CATSPERD: variants seen among roughly 807,000 people sequenced by gnomAD.
CATSPERD encodes the protein catsper channel auxiliary subunit delta, also known as cation channel sperm-associated auxiliary subunit delta.
CATSPERD carries 86 observed loss-of-function variants against 98.1 expected under a neutral mutation model. The ratio of observed to expected loss-of-function variants is 0.88; its 90% confidence interval spans 0.74 to 1.05. The LOEUF (loss-of-function observed/expected upper bound fraction) is 1.05. Among genes scored for constraint, CATSPERD ranks in the 50% least tolerant of loss-of-function variants. The pLI is 0.00. For synonymous variants in CATSPERD, 394 were observed against 390.2 expected (o/e 1.01, Z -0.12); for missense variants, 995 against 1,005.7 (o/e 0.99, Z 0.14).
At chr19:5,778,354 TC>T in intron 21 of CATSPERD, 21 bp from the exon 22 acceptor site, 1 of 1,581,204 alleles carries the variant, frequency 6.3e-7, no homozygotes, top group Non-Finnish European at 8.6e-7. Context: ...CAACAGCCTC[TC>T]CCCGCCTCCC....
intron 18 of CATSPERD, 70 bp downstream of exon 18, chr19:5,768,312 A>G (rs1283637937): frequency 1.9e-5 from 21 of 1,108,604 alleles, no homozygotes; most frequent in Non-Finnish European, 2.7e-5. Context: ...CCAAGAGCAA[A>G]TTAGGAATTT....
Position 5,771,034 on chromosome 19 carries a change from C to T in CATSPERD, c.1725C>T (p.Leu575=), listed in dbSNP as rs755583514. The T allele has an allele frequency of 4.5e-5, 72 of 1,613,976 alleles. No homozygotes were observed. The East Asian group carries it at 1.0e-3, about 22-fold the overall frequency. Residue 575 remains leucine, a synonymous_variant, in exon 19 of 22, where the codon CTC becomes CTT. Coordinates refer to ENST00000381624, the MANE Select transcript of CATSPERD (RefSeq NM_152784.4). ...YSYQQLGCPL[L]VYYDTLWKPV... is the part of the protein sequence containing the mutation. The stretch of plus-strand genomic sequence containing the variant: ...ACCAGCAGCTGGGCTGTCCTCTCCT[C>T]GTCTACTATGACACCCTATGGAAGC...
intron 20 of CATSPERD, among the ~76,000 whole-genome samples, chr19:5,774,069 G>A (rs2056697941): frequency 6.8e-6 from 1 of 146,930 alleles, no homozygotes; most frequent in African/African-American, 2.5e-5. Flanking sequence ...CCGAGTTCAA[G>A]CAATTCTCCC....
chr19:5,731,542 T>G (rs892358127), intron 4 of CATSPERD, among the ~76,000 whole-genome samples: 3 of 139,362 alleles, frequency 2.2e-5, no homozygotes, highest in African/African-American at 7.8e-5. Flanking sequence ...ATATTTCTCC[T>G]AAAAGCGACA....
intron 10 of CATSPERD, 87 bp downstream of exon 10, chr19:5,748,342 C>T (rs563097211): frequency 4.8e-4 from 616 of 1,270,690 alleles, no homozygotes; most frequent in Non-Finnish European, 6.2e-4. Flanking sequence ...AGCCAAAACA[C>T]GAAATCAGCT....
chr19:5,759,213 A>G (rs2056387195), intron 15 of CATSPERD, 69 bp downstream of exon 15: 5 of 1,409,080 alleles, frequency 3.5e-6, no homozygotes, highest in Non-Finnish European at 5.0e-6. Context: ...GAGCGAAGAG[A>G]AGCAGGTCTG....
chr19:5,756,051 C>A (rs536118992), intron 13 of CATSPERD, among the ~76,000 whole-genome samples: 1 of 151,832 alleles, frequency 6.6e-6, no homozygotes, highest in Admixed American at 6.6e-5. Context: ...GAGGCCAAGG[C>A]GGGCAGATTG....
intron 11 of CATSPERD, among the ~76,000 whole-genome samples, chr19:5,749,917 C>T (rs893449885): frequency 1.3e-5 from 2 of 150,866 alleles, no homozygotes; most frequent in Non-Finnish European, 2.9e-5. Context: ...AATTCTCCTG[C>T]CTCAGCCTCC....
intron 18 of CATSPERD, among the ~76,000 whole-genome samples, chr19:5,769,162 A>AAAG (rs1555726986): frequency 3.3e-5 from 5 of 149,572 alleles, no homozygotes; most frequent in Non-Finnish European, 4.5e-5. Context: ...TCAAAAAAAA[A>AAAG]AGAGAGAGAG....
Position 5,725,212 on chromosome 19 carries a change from C to T in CATSPERD, c.126+350C>T, listed in dbSNP as rs1241746279. 3.3e-5 allele frequency among the ~76,000 whole-genome samples: 5 copies of T among 152,086 alleles called. No individual in the cohort carries two copies. In the South Asian group the frequency reaches 6.2e-4, roughly 19 times the overall value. On this transcript the variant is annotated intron_variant, in intron 2 of 21. Transcript: ENST00000381624. ...TGTTGCCCAGGTTGGAGTGCAGTGG[C>T]GCAATCTCGGCTCACCGCAACCTCT...
In CATSPERD at chr19:5,739,309, CTTT is replaced by C; in HGVS notation, c.460-7_460-5del. 9.3e-6 allele frequency: 10 copies of C among 1,074,284 alleles called. No individual in the cohort carries two copies. The highest frequency in any genetic ancestry group is 9.4e-6 in the Non-Finnish European group (7 of 745,548). The allele number at this position is 1,074,284 out of a possible 1,614,324, so 66.5% of individuals were successfully genotyped here. A position where few individuals can be genotyped will look rare whatever the true frequency, so the allele number is the denominator to read the frequency against. ...GGCATCTTTCTTTCATTCTTTCTTT[CTTT>C]TTTTTTTTTATAGCATGTCAGTAAT... On this transcript the variant is annotated splice_polypyrimidine_tract_variant and intron_variant, in intron 6 of 21. Transcript: ENST00000381624.
At position 5,778,558 on chromosome 19, in the gene CATSPERD, C is replaced by CA; in HGVS notation, c.2280dup (p.Gln761ThrfsTer4). On this transcript the variant is annotated frameshift_variant, in exon 22 of 22. Transcript: ENST00000381624. LOFTEE classifies it low-confidence loss of function (END_TRUNC). ...GGCCGCAGGATCAAGAAGTGTGCGA[C>CA]ACAGCTGTGTAGGAGATGCAAGACG... 6.2e-7 allele frequency: 1 copy of CA among 1,613,916 alleles called. No individual in the cohort carries two copies. Among genetic ancestry groups the CA allele is most frequent in the Non-Finnish European group, 8.5e-7 (1 of 1,180,030 alleles).
intron 15 of CATSPERD, among the ~76,000 whole-genome samples, chr19:5,761,974 G>T (rs1171481202): frequency 1.4e-5 from 2 of 144,566 alleles, no homozygotes; most frequent in African/African-American, 5.0e-5. Flanking sequence ...CTGATCTCAG[G>T]TGATGTGCCC....
rs748432182 is a variant in CATSPERD, at chr19:5,737,162, T to C, written c.416T>C (p.Val139Ala). Reference protein sequence around the residue: ...SLGIKHPVTHVSGDNCCYTGS... With the variant: ...SLGIKHPVTHASGDNCCYTGS... ...GGTATAAAACACCCTGTTACACATGTCTCTGGTGATAATTGTTGTTATACT... is the reference window on the plus strand; with the variant it reads ...GGTATAAAACACCCTGTTACACATGCCTCTGGTGATAATTGTTGTTATACT... The change falls in exon 6 of 22, where the codon GTC becomes GCC. Residue 139 changes from valine (V) to alanine (A), a missense_variant. By Grantham distance (64) the Val-to-Ala change is moderately conservative. Coordinates refer to ENST00000381624, the MANE Select transcript of CATSPERD (RefSeq NM_152784.4). 11 of 1,608,594 alleles carry C rather than the reference T, an allele frequency of 6.8e-6. No individual in the cohort carries two copies. Among genetic ancestry groups the C allele is most frequent in the Non-Finnish European group, 9.4e-6 (11 of 1,175,050 alleles).
chr19:5,751,516 A>C (rs2056218678), intron 11 of CATSPERD, 131 bp from the exon 12 acceptor site: 1 of 625,018 alleles, frequency 1.6e-6, no homozygotes, highest in African/African-American at 2.3e-5. Context: ...CCTGGGAGAC[A>C]GAGTGAGACT....
Position 5,737,174 on chromosome 19 carries a change from A to G in CATSPERD, c.428A>G (p.Asn143Ser). 1 of 1,609,490 alleles carries G rather than the reference A, an allele frequency of 6.2e-7. No homozygotes were observed. The highest frequency in any genetic ancestry group is 8.5e-7 in the Non-Finnish European group (1 of 1,175,920). ...CCTGTTACACATGTCTCTGGTGATA[A>G]TTGTTGTTATACTGGAAGTTTGTTT... ...KHPVTHVSGD[N>S]CCYTGSLFCV... Residue 143 changes from asparagine to serine, a missense_variant, in exon 6 of 22, where the codon AAT becomes AGT. By Grantham distance (46) the Asn-to-Ser change is conservative (BLOSUM62 1). Around this residue, in one of 3 missense-constraint regions of CATSPERD, gnomAD observed 228 missense variants for 209.6 expected, o/e 1.09. Coordinates refer to ENST00000381624, the MANE Select transcript of CATSPERD (RefSeq NM_152784.4).
chr19:5,758,880 T>G (rs1193970906), intron 14 of CATSPERD, among the ~76,000 whole-genome samples: 1 of 138,414 alleles, frequency 7.2e-6, no homozygotes, highest in East Asian at 2.1e-4. Context: ...GCCAAGATCG[T>G]GCTAATGCAC....
intron 7 of CATSPERD, among the ~76,000 whole-genome samples, chr19:5,742,108 C>T (rs1166273360): frequency 6.6e-6 from 1 of 151,794 alleles, no homozygotes. Flanking sequence ...CCAATTATTA[C>T]TAAAATAGCG....
intron 5 of CATSPERD, among the ~76,000 whole-genome samples, chr19:5,734,552 C>T (rs1213216574): frequency 1.3e-5 from 2 of 151,838 alleles, no homozygotes; most frequent in Admixed American, 1.3e-4. Context: ...GCAGGAGAAT[C>T]GCTTGAACCT....
Sources: allele counts gnomAD v4.1 joint callset (sites outside exome capture counted in the v4.1 genomes callset), GRCh38; gene constraint gnomAD v4.1.1; regional missense constraint gnomAD v4.1.1; transcripts MANE v1.5; gene names NCBI Gene and HGNC (gene_info 2026-07-23, HGNC 2026-07-21).